Variants in EXOC4 observed in about 807,000 individuals in gnomAD.
EXOC4 encodes the protein SEC8-like 1.
In EXOC4, 71 loss-of-function variants were observed where a neutral mutation model predicts 107.2. The observed-to-expected ratio is 0.66, with a 90% confidence interval of 0.55 to 0.81. The LOEUF (loss-of-function observed/expected upper bound fraction) is 0.81. EXOC4 is among the 30% of genes least tolerant of loss of function. EXOC4 has a pLI of 0.00. For missense variants in EXOC4, 1,108 were observed against 1,189.6 expected, an observed-to-expected ratio of 0.93 and a Z score of 1.01; for synonymous variants, 456 against 441.2, an observed-to-expected ratio of 1.03 and a Z score of -0.42.
At chr7:134,072,102 A>AC in the EXOC4 span, among the ~76,000 whole-genome samples, 1 of 152,066 alleles carries the variant, frequency 6.6e-6, no homozygotes, top group African/African-American at 2.4e-5. Context: ...TCAGGGGCTG[A>AC]CCCCCCACCA....
chr7:134,051,961 G>A (rs1795802862), intron 17 of EXOC4, among the ~76,000 whole-genome samples: 1 of 151,532 alleles, frequency 6.6e-6, no homozygotes, highest in Non-Finnish European at 1.5e-5. Context: ...ACTCCAGCCT[G>A]GGCAATAGAG....
intron 11 of EXOC4, among the ~76,000 whole-genome samples, chr7:133,862,441 C>A (rs1798553830): frequency 6.6e-6 from 1 of 152,080 alleles, no homozygotes; most frequent in African/African-American, 2.4e-5. Context: ...TGAGATCACA[C>A]CGTTGCACTC....
At chr7:133,627,436 C>G (rs1346291652) in intron 9 of EXOC4, among the ~76,000 whole-genome samples, 2 of 152,090 alleles carry the variant, frequency 1.3e-5, no homozygotes, top group Non-Finnish European at 2.9e-5. Flanking sequence ...TCTAGTCTAT[C>G]TCGTAAAGGT....
intron 10 of EXOC4, among the ~76,000 whole-genome samples, chr7:133,780,246 C>A (rs191558980): frequency 0.023 from 3,458 of 150,094 alleles, 111 homozygotes; most frequent in African/African-American, 0.076. Context: ...AAAAAAAAAA[C>A]CTTCCTTTTC....
At chr7:133,957,964 A>G (rs1024067990) in intron 14 of EXOC4, among the ~76,000 whole-genome samples, 3 of 152,232 alleles carry the variant, frequency 2.0e-5, no homozygotes, top group Non-Finnish European at 4.4e-5. Flanking sequence ...ATTATGACTT[A>G]GATCATAAAC....
chr7:133,915,299 A>C (rs1799782647), intron 12 of EXOC4, among the ~76,000 whole-genome samples: 1 of 152,164 alleles, frequency 6.6e-6, no homozygotes, highest in African/African-American at 2.4e-5. Flanking sequence ...GGGAATATAT[A>C]GTGGAAAGAG....
At chr7:134,012,574 C>T (rs114808935) in intron 17 of EXOC4, among the ~76,000 whole-genome samples, 1 of 151,976 alleles carries the variant, frequency 6.6e-6, no homozygotes, top group Non-Finnish European at 1.5e-5. Flanking sequence ...GAGGGGATAA[C>T]AAGAAATGTT....
intron 11 of EXOC4, among the ~76,000 whole-genome samples, chr7:133,821,663 G>A (rs1016284103): frequency 4.6e-5 from 7 of 152,180 alleles, no homozygotes; most frequent in African/African-American, 1.7e-4. Flanking sequence ...AGTTAGAGAA[G>A]AACTGTCTAA....
chr7:133,439,361 T>A (rs1412377970), intron 7 of EXOC4, among the ~76,000 whole-genome samples: 1 of 151,782 alleles, frequency 6.6e-6, no homozygotes, highest in Non-Finnish European at 1.5e-5. Context: ...ATTTTTGTAT[T>A]TTTAGTAGAG....
chr7:133,616,191 C>G (rs181468523), intron 9 of EXOC4, among the ~76,000 whole-genome samples: 5 of 152,240 alleles, frequency 3.3e-5, no homozygotes, highest in Middle Eastern at 3.4e-3. Context: ...AACTCAAGAA[C>G]AATCATTTTG....
intron 9 of EXOC4, among the ~76,000 whole-genome samples, chr7:133,597,450 A>G (rs1325784400): frequency 1.3e-5 from 2 of 150,654 alleles, no homozygotes; most frequent in East Asian, 4.0e-4. Flanking sequence ...GCTGCTCGGC[A>G]GGCTGAGGCA....
At chr7:133,873,276 C>T (rs1798785902) in intron 11 of EXOC4, among the ~76,000 whole-genome samples, 2 of 152,180 alleles carry the variant, frequency 1.3e-5, no homozygotes, top group Admixed American at 6.5e-5. Flanking sequence ...CTGCCTCACC[C>T]CAAGTTGAAA....
chr7:133,820,154 ATTTTTTT>A (rs35640945), intron 11 of EXOC4, among the ~76,000 whole-genome samples: 17 of 70,300 alleles, frequency 2.4e-4, no homozygotes, highest in African/African-American at 4.9e-4. Context: ...CACCTGCTTC[ATTTTTTT>A]TTTTTTTTTT....
intron 9 of EXOC4, among the ~76,000 whole-genome samples, chr7:133,558,503 G>C (rs1203807730): frequency 6.6e-6 from 1 of 151,930 alleles, no homozygotes; most frequent in African/African-American, 2.4e-5. Flanking sequence ...CGGGGAGAGG[G>C]GTGTGTTAAA....
chr7:133,452,592 A>T (rs1255337174), intron 7 of EXOC4, among the ~76,000 whole-genome samples: 4 of 148,588 alleles, frequency 2.7e-5, no homozygotes, highest in Non-Finnish European at 4.5e-5. Context: ...TATGTCCAGA[A>T]TAGCTAATGC....
At chr7:133,861,596 G>A (rs191583401) in intron 11 of EXOC4, among the ~76,000 whole-genome samples, 3 of 152,140 alleles carry the variant, frequency 2.0e-5, no homozygotes, top group Non-Finnish European at 2.9e-5. Context: ...GTGCAGTGGC[G>A]TGATCTCGGC....
At chr7:133,788,499 C>CT (rs899700019) in intron 10 of EXOC4, among the ~76,000 whole-genome samples, 11 of 151,038 alleles carry the variant, frequency 7.3e-5, no homozygotes, top group East Asian at 2.0e-4. Context: ...AAACTTCTCT[C>CT]TTTTTTTTTG....
intron 12 of EXOC4, among the ~76,000 whole-genome samples, chr7:133,912,583 T>C (rs901128612): frequency 6.6e-6 from 1 of 152,224 alleles, no homozygotes; most frequent in Non-Finnish European, 1.5e-5. Context: ...GCTTTTAGTG[T>C]AATAAGTTAT....
chr7:133,834,129 G>A (rs1797868632), intron 11 of EXOC4, among the ~76,000 whole-genome samples: 1 of 152,092 alleles, frequency 6.6e-6, no homozygotes, highest in African/African-American at 2.4e-5. Flanking sequence ...GGGATATGAT[G>A]AGGTTTCTCT....
Sources: gnomAD v4.1 joint callset for allele counts (sites outside exome capture counted in the v4.1 genomes callset) on GRCh38, gnomAD v4.1.1 for gene constraint, MANE v1.5 for transcripts, NCBI Gene and HGNC (gene_info 2026-07-23, HGNC 2026-07-21) for gene names.